The following RUNX3 variants were observed in gnomAD, a reference collection of about 807,000 sequenced individuals.
RUNX3 encodes runt-related transcription factor 3.
RUNX3 carries 10 observed loss-of-function variants against 27.7 expected under a neutral mutation model. That is an observed-to-expected ratio of 0.36 (90% confidence interval 0.22 to 0.61). The LOEUF (loss-of-function observed/expected upper bound fraction) is 0.61, where lower values mean the gene tolerates loss of function less well. Among genes scored for constraint, RUNX3 ranks in the 20% least tolerant of loss-of-function variants. RUNX3 has a pLI of 0.72. For synonymous variants in RUNX3, 270 were observed against 269.2 expected, an observed-to-expected ratio of 1.00 and a Z score of -0.03; for missense variants, 469 against 629.5, an observed-to-expected ratio of 0.75 and a Z score of 2.73.
chr1:24,927,756 A>C lies in RUNX3; in HGVS notation c.283-26T>G, dbSNP rs1052034328. 5 of 1,525,876 alleles carry C rather than the reference A, an allele frequency of 3.3e-6. No homozygotes were observed. The highest frequency in any genetic ancestry group is 4.5e-6 in the Non-Finnish European group (5 of 1,122,396). 94.5% of individuals were successfully genotyped at this position (1,525,876 alleles called of 1,614,324 possible). Reference sequence around the variant, plus strand: ...CTGAAGACACGGGGCGGGGGGATGCAGGGGGACAGCTTAGAAAGGAAGAGG... The same window carrying C: ...CTGAAGACACGGGGCGGGGGGATGCCGGGGGACAGCTTAGAAAGGAAGAGG... On this transcript the variant is annotated intron_variant, in intron 1 of 4. Coordinates refer to ENST00000308873, the MANE Select transcript of RUNX3 (RefSeq NM_004350.3). The surrounding 1 kb of genome is among the most constrained non-coding windows in gnomAD (Gnocchi z 5.0).
At chr1:24,934,601 T>C (rs1161482205), upstream of RUNX3, among the ~76,000 whole-genome samples, 3 of 152,176 alleles carry the variant, frequency 2.0e-5, no homozygotes, top group Non-Finnish European at 4.4e-5. Context: ...GCATTGCTCA[T>C]GGTATTCAAT....
intron 2 of RUNX3, among the ~76,000 whole-genome samples, chr1:24,953,402 G>GAAAAA (rs553316885): frequency 2.8e-5 from 2 of 70,468 alleles, no homozygotes; most frequent in Non-Finnish European, 5.9e-5. Flanking sequence ...AAAGAAAAAT[G>GAAAAA]AAAAAAAAAA....
At chr1:24,931,962 T>C (rs1455496433), upstream of RUNX3, among the ~76,000 whole-genome samples, 2 of 152,018 alleles carry the variant, frequency 1.3e-5, no homozygotes. Flanking sequence ...GGAAAGCGAG[T>C]GATCCAGCCT....
At chr1:24,911,549 G>A (rs76826071) in intron 3 of RUNX3, among the ~76,000 whole-genome samples, 3,982 of 152,294 alleles carry the variant, frequency 0.026, 77 homozygotes, top group Middle Eastern at 0.065. Flanking sequence ...TTCCAGTCAC[G>A]TGGGTCACCA....
At chr1:24,953,446 A>G (rs893680771) in intron 2 of RUNX3, among the ~76,000 whole-genome samples, 6 of 151,696 alleles carry the variant, frequency 4.0e-5, no homozygotes, top group African/African-American at 1.5e-4. Flanking sequence ...CAAAGTAGCC[A>G]TTAGCTTTTA....
chr1:24,949,391 CATTT>C lies in RUNX3; in HGVS notation c.58+15119_58+15122del, dbSNP rs1374588941. Among the ~76,000 whole-genome samples, 4 of 152,160 alleles carry C rather than the reference CATTT, an allele frequency of 2.6e-5. No individual in the cohort carries two copies. In the East Asian group the frequency reaches 7.7e-4, roughly 29 times the overall value. ...CCCCGCCCCCCGTGAGCAGACCACT[CATTT>C]ATTCATTCCTCCAGGAGCATTTACT... On this transcript the variant is annotated intron_variant, in intron 2 of 6. Coordinates refer to the RUNX3 transcript ENST00000338888.
intron 2 of RUNX3, among the ~76,000 whole-genome samples, chr1:24,949,235 G>T (rs1641695705): frequency 6.6e-6 from 1 of 152,036 alleles, no homozygotes; most frequent in Non-Finnish European, 1.5e-5. Context: ...CCATTGTATG[G>T]CTGAAGAAAC....
Position 24,927,746 on chromosome 1 carries a change from G to C in RUNX3, c.283-16C>G, listed in dbSNP as rs766288587. On this transcript the variant is annotated splice_polypyrimidine_tract_variant and intron_variant, in intron 1 of 4. Transcript: ENST00000308873. The surrounding 1 kb of genome is among the most constrained non-coding windows in gnomAD (Gnocchi z 5.0). ...ATGCCACCACCTGAAGACACGGGGCGGGGGGATGCAGGGGGACAGCTTAGA... is the reference window on the plus strand; with the variant it reads ...ATGCCACCACCTGAAGACACGGGGCCGGGGGATGCAGGGGGACAGCTTAGA... The C allele has an allele frequency of 1.6e-5, 26 of 1,612,926 alleles. No homozygotes were observed. Among genetic ancestry groups the C allele is most frequent in the Non-Finnish European group, 2.2e-5 (26 of 1,179,152 alleles).
At chr1:24,928,904 G>C (rs545464255) in intron 1 of RUNX3, 34 of 385,860 alleles carry the variant, frequency 8.8e-5, no homozygotes, top group Middle Eastern at 5.6e-4. Context: ...GGGGAAAACC[G>C]AGGCGTTTTC....
intron 2 of RUNX3, among the ~76,000 whole-genome samples, chr1:24,949,997 C>T (rs1641716636): frequency 6.6e-6 from 1 of 152,224 alleles, no homozygotes; most frequent in Non-Finnish European, 1.5e-5. Context: ...CCGTTGCTCC[C>T]TCCTCTCACT....
chr1:24,911,771 C>T (rs138777786), intron 3 of RUNX3, among the ~76,000 whole-genome samples: 76 of 152,106 alleles, frequency 5.0e-4, no homozygotes, highest in African/African-American at 1.8e-3. Flanking sequence ...ATTGTTTAGA[C>T]GGGGCCACCG....
intron 3 of RUNX3, among the ~76,000 whole-genome samples, chr1:24,913,923 C>A (rs756812270): frequency 3.9e-5 from 6 of 152,262 alleles, no homozygotes; most frequent in Non-Finnish European, 5.9e-5. Context: ...CCATGATGTG[C>A]CGGGCACTGT....
chr1:24,934,411 G>T (rs1437653225), upstream of RUNX3, among the ~76,000 whole-genome samples: 3 of 152,182 alleles, frequency 2.0e-5, no homozygotes. Flanking sequence ...GGAGGGGAGG[G>T]AGAAGGAGCA....
rs1571326093 is a variant in RUNX3 at position 24,930,113 on chromosome 1, G to A, written c.-245C>T. 3.9e-5 allele frequency: 38 copies of A among 979,358 alleles called. No individual in the cohort carries two copies. The highest frequency in any genetic ancestry group is 4.5e-5 in the Non-Finnish European group (37 of 827,640). The allele number at this position is 979,358 out of a possible 1,614,324, so 60.7% of individuals were successfully genotyped here. A position where few individuals can be genotyped will look rare whatever the true frequency, so the allele number is the denominator to read the frequency against. On this transcript the variant is annotated 5_prime_UTR_variant, in exon 1 of 5. Coordinates refer to ENST00000308873, the MANE Select transcript of RUNX3 (RefSeq NM_004350.3). The surrounding 1 kb of genome is among the most constrained non-coding windows in gnomAD (Gnocchi z 4.1). ...GGCTAGTCCCGCATCCTCGGCGCGC[G>A]GCCCCGCGTGCGGCCGCCCCTCGTG...
chr1:24,914,973 A>C (rs1188559326), intron 3 of RUNX3, among the ~76,000 whole-genome samples: 1 of 152,136 alleles, frequency 6.6e-6, no homozygotes, highest in African/African-American at 2.4e-5. Flanking sequence ...GTTTTTCTTC[A>C]TAGGACTTCC....
chr1:24,960,918 C>T (rs887190708), intron 2 of RUNX3, among the ~76,000 whole-genome samples: 2 of 152,060 alleles, frequency 1.3e-5, no homozygotes, highest in Non-Finnish European at 2.9e-5. Context: ...CCCCCTTGTC[C>T]TGCCTGGGGG....
At chr1:24,937,021 A>C (rs1210417806) in intron 2 of RUNX3, among the ~76,000 whole-genome samples, 1 of 152,256 alleles carries the variant, frequency 6.6e-6, no homozygotes, top group Non-Finnish European at 1.5e-5. Context: ...ACAAATGGGC[A>C]TACGGAGGTG....
Position 24,902,685 on chromosome 1 carries a change from G to C in RUNX3, c.704-19C>G. The C allele has an allele frequency of 6.6e-7, 1 of 1,508,718 alleles. No individual in the cohort carries two copies. Among genetic ancestry groups the C allele is most frequent in the Non-Finnish European group, 8.9e-7 (1 of 1,127,410 alleles). The allele number at this position is 1,508,718 out of a possible 1,614,324, so 93.5% of individuals were successfully genotyped here. ...GAGGTGCCTGGAGGACAGCAGGGAA[G>C]AGGTCAGTTCCAGCTCGAGACAACC... On this transcript the variant is annotated intron_variant, in intron 4 of 4. Coordinates refer to ENST00000308873, the MANE Select transcript of RUNX3 (RefSeq NM_004350.3). This position sits in a 1 kb window ranked among gnomAD's most constrained non-coding sequence, Gnocchi z 9.2.
At chr1:24,947,130 C>CT (rs1391702693) in intron 2 of RUNX3, among the ~76,000 whole-genome samples, 6 of 152,324 alleles carry the variant, frequency 3.9e-5, no homozygotes, top group African/African-American at 1.4e-4. Flanking sequence ...GGATGGCTGT[C>CT]TCCCATCTTA....
Sources: allele counts gnomAD v4.1 joint callset (sites outside exome capture counted in the v4.1 genomes callset), GRCh38; gene constraint gnomAD v4.1.1; non-coding constraint Gnocchi (gnomAD v3.1); transcripts MANE v1.5; gene names NCBI Gene and HGNC (gene_info 2026-07-23, HGNC 2026-07-21).